The following CECR2 variants were observed in gnomAD, a reference collection of about 807,000 sequenced individuals.
CECR2 encodes the protein CECR2 histone acetyl-lysine reader.
Under a neutral mutation model 154.5 loss-of-function variants are expected in CECR2, and 30 were observed. The ratio of observed to expected loss-of-function variants is 0.19; its 90% CI spans 0.15 to 0.26. The LOEUF is 0.26. Among genes scored for constraint, CECR2 ranks in the 10% least tolerant of loss-of-function variants. The pLI, the probability that CECR2 is intolerant of heterozygous loss-of-function variation, is 1.00. For missense variants in CECR2, 1,743 were observed against 1,829.3 expected, an observed-to-expected ratio of 0.95 and a Z score of 0.86; for synonymous variants, 725 against 683.7, an observed-to-expected ratio of 1.06 and a Z score of -0.94.
chr22:17,489,786 A>T (rs2055491387), intron 2 of CECR2, among the ~76,000 whole-genome samples: 1 of 152,034 alleles, frequency 6.6e-6, no homozygotes, highest in Admixed American at 6.6e-5. Flanking sequence ...TTTACTAAGG[A>T]ACTGTTTTAT....
At chr22:17,524,065 G>A (rs896334597) in intron 8 of CECR2, 53 bp from the exon 9 acceptor site, 2 of 1,375,540 alleles carry the variant, frequency 1.5e-6, no homozygotes, top group Non-Finnish European at 2.0e-6. Flanking sequence ...AGAGCAAAGA[G>A]CTTATCTTGC....
At chr22:17,370,405 C>T (rs2146434363) in intron 1 of CECR2, among the ~76,000 whole-genome samples, 1 of 150,974 alleles carries the variant, frequency 6.6e-6, no homozygotes, top group Middle Eastern at 3.4e-3. Context: ...CTCTGGCGGG[C>T]GGGCGCGTGG....
chr22:17,391,617 A>G (rs2063326950), intron 1 of CECR2, among the ~76,000 whole-genome samples: 1 of 152,224 alleles, frequency 6.6e-6, no homozygotes, highest in Non-Finnish European at 1.5e-5. Flanking sequence ...TTATTGTTAC[A>G]TTTTCTTTCA....
At chr22:17,470,691 CT>C (rs35645816) in intron 1 of CECR2, among the ~76,000 whole-genome samples, 63,498 of 151,820 alleles carry the variant, frequency 0.42, 14,146 homozygotes, top group East Asian at 0.58. Flanking sequence ...TTGCAAAACC[CT>C]TACTGACTGT....
chr22:17,466,762 T>A (rs1434239929), intron 1 of CECR2, among the ~76,000 whole-genome samples: 1 of 152,074 alleles, frequency 6.6e-6, no homozygotes, highest in Non-Finnish European at 1.5e-5. Flanking sequence ...GCCTGGCTAA[T>A]TTTTGTATTT....
chr22:17,536,696 G>C (rs554751162), intron 9 of CECR2, among the ~76,000 whole-genome samples: 2 of 152,186 alleles, frequency 1.3e-5, no homozygotes, highest in Non-Finnish European at 1.5e-5. Context: ...AAGGATTTGC[G>C]GATGTTGCTT....
In CECR2 at chr22:17,389,632, A is replaced by G. The variant is rs747675298; in HGVS notation, c.126+19723A>G. 1.2e-4 allele frequency among the ~76,000 whole-genome samples: 18 copies of G among 151,134 alleles called. 1 individual carries two copies. The highest frequency in any genetic ancestry group is 8.4e-4 in the South Asian group (4 of 4,754). ...AGCTCGGGGATATTCTTTTTTATTT[A>G]TTTATTTATTTTTGAGATGGAGTCT... On this transcript the variant is annotated intron_variant, in intron 1 of 18. Transcript: ENST00000262608.
At chr22:17,431,138 G>C (rs907968993) in intron 1 of CECR2, among the ~76,000 whole-genome samples, 1 of 151,998 alleles carries the variant, frequency 6.6e-6, no homozygotes, top group Admixed American at 6.6e-5. Context: ...GCTAAAGCTG[G>C]GGTAAAAAAG....
chr22:17,502,141 GCATTTTGT>G (rs2055750293), intron 5 of CECR2, among the ~76,000 whole-genome samples: 1 of 152,146 alleles, frequency 6.6e-6, no homozygotes, highest in South Asian at 2.1e-4. Context: ...TATACACTTT[GCATTTTGT>G]CATTTAATCT....
At chr22:17,537,047 C>T (rs1246425224) in intron 9 of CECR2, 56 bp from the exon 10 acceptor site, 9 of 1,597,072 alleles carry the variant, frequency 5.6e-6, no homozygotes, top group South Asian at 2.3e-5. Flanking sequence ...TGAAGGAACA[C>T]GCCATGTCAG....
At chr22:17,506,127 A>C (rs550578989) in intron 7 of CECR2, among the ~76,000 whole-genome samples, 2 of 151,400 alleles carry the variant, frequency 1.3e-5, no homozygotes, top group Non-Finnish European at 2.9e-5. Flanking sequence ...GATTATAGGC[A>C]TGAGCCACTG....
chr22:17,517,544 T>A (rs5747214), intron 8 of CECR2, among the ~76,000 whole-genome samples: 4 of 152,170 alleles, frequency 2.6e-5, no homozygotes, highest in Non-Finnish European at 5.9e-5. Flanking sequence ...TGAATCCCAC[T>A]TAATACAAAT....
Position 17,497,437 on chromosome 22 carries a change from A to G in CECR2, c.256A>G (p.Ile86Val). 6.2e-7 allele frequency: 1 copy of G among 1,613,902 alleles called. No homozygotes were observed. Among genetic ancestry groups the G allele is most frequent in the Non-Finnish European group, 8.5e-7 (1 of 1,179,858 alleles). Residue 86 changes from isoleucine (I) to valine (V), a missense_variant, in exon 3 of 19, where the codon ATC (isoleucine) becomes GTC (valine). Around this residue, in one of 4 missense-constraint regions of CECR2, gnomAD observed 98 missense variants for 169.3 expected, o/e 0.58. Transcript: ENST00000262608. Reference protein sequence around the residue: ...QTFHSYLEDIINYRWELEEGK... With the variant: ...QTFHSYLEDIVNYRWELEEGK... The stretch of plus-strand genomic sequence containing the variant: ...ATTCCACAGCTACCTAGAGGACATC[A>G]TCAACTACCGCTGGGAGCTCGAAGA...
chr22:17,397,997 C>G lies in CECR2; in HGVS notation c.126+28088C>G, dbSNP rs534587462. Among the ~76,000 whole-genome samples, 7 of 152,170 alleles carry G rather than the reference C, an allele frequency of 4.6e-5. No individual in the cohort carries two copies. The South Asian group carries it at 1.5e-3, about 32-fold the overall frequency. On this transcript the variant is annotated intron_variant, in intron 1 of 18. Transcript: ENST00000262608. ...GTTCATGCAACACTGTGTCTGTCGG[C>G]CTCTGTACTCTTAGCTTGCATGGGG...
intron 3 of CECR2, among the ~76,000 whole-genome samples, chr22:17,498,391 T>TTA (rs1555919192): frequency 2.1e-5 from 3 of 145,736 alleles, no homozygotes; most frequent in Non-Finnish European, 4.5e-5. Flanking sequence ...ACTCCGTCTT[T>TTA]AAAAAAAAAA....
intron 1 of CECR2, among the ~76,000 whole-genome samples, chr22:17,402,987 C>G (rs555930087): frequency 6.6e-6 from 1 of 152,300 alleles, no homozygotes; most frequent in South Asian, 2.1e-4. Flanking sequence ...CTCCTGACCT[C>G]AGGCGATCCA....
chr22:17,554,678 G>A lies in CECR2; in HGVS notation c.*1838G>A, dbSNP rs1372741412. 6.6e-6 allele frequency: 1 copy of A among 152,160 alleles called. No homozygotes were observed. Among genetic ancestry groups the A allele is most frequent in the Non-Finnish European group, 1.5e-5 (1 of 68,040 alleles). The allele number at this position is 152,160 out of a possible 1,614,324, so 9.4% of individuals were successfully genotyped here. ...AAAAATACAGATTTTCTCTCAGAGA[G>A]GTTTTAATTTTAAATTTGATGTATT... On this transcript the variant is annotated 3_prime_UTR_variant, in exon 19 of 19. Transcript: ENST00000262608.
At chr22:17,364,362 A>AG (rs1555897559) in intron 1 of CECR2, among the ~76,000 whole-genome samples, 13 of 133,428 alleles carry the variant, frequency 9.7e-5, no homozygotes, top group African/African-American at 3.6e-4. Context: ...AAAAAAAAAA[A>AG]GAATTTGTGC....
At position 17,542,638 on chromosome 22, in the gene CECR2, A is replaced by T; in HGVS notation, c.2495A>T (p.His832Leu). 1 of 1,613,892 alleles carries T rather than the reference A, an allele frequency of 6.2e-7. No individual in the cohort carries two copies. Among genetic ancestry groups the T allele is most frequent in the Non-Finnish European group, 8.5e-7 (1 of 1,179,854 alleles). Reference protein sequence around the residue: ...QWTEQSGFLPHGVPSSGYMRP... With the variant: ...QWTEQSGFLPLGVPSSGYMRP... The stretch of plus-strand genomic sequence containing the variant: ...ACTGAACAATCAGGCTTCCTACCTC[A>T]TGGAGTTCCTTCCTCAGGGTACATG... The change falls in exon 16 of 19, where the codon CAT (histidine) becomes CTT (leucine). Residue 832 changes from histidine (H) to leucine (L), a missense_variant. By Grantham distance (99) the His-to-Leu change is moderately conservative. Coordinates refer to ENST00000262608, the MANE Select transcript of CECR2 (RefSeq NM_001290047.2).
Sources: gnomAD v4.1 joint callset for allele counts (sites outside exome capture counted in the v4.1 genomes callset) on GRCh38, gnomAD v4.1.1 for gene constraint, gnomAD v4.1.1 regional missense constraint, MANE v1.5 for transcripts, NCBI Gene and HGNC (gene_info 2026-07-23, HGNC 2026-07-21) for gene names.